RBFOX1: variants seen among roughly 807,000 people sequenced by gnomAD.
RBFOX1 encodes RNA binding fox-1 homolog 1, also known as RNA binding protein fox-1 homolog 1.
A neutral mutation model predicts 57.7 loss-of-function variants in RBFOX1; 8 were observed. The ratio of observed to expected loss-of-function variants is 0.14; its 90% CI spans 0.08 to 0.25. The LOEUF (loss-of-function observed/expected upper bound fraction) is 0.25. RBFOX1 is among the 10% of genes least tolerant of loss of function. The pLI is 1.00. For missense variants in RBFOX1, 611 were observed against 548.5 expected, an observed-to-expected ratio of 1.11 and a Z score of -1.14; for synonymous variants, 326 against 222.4, an observed-to-expected ratio of 1.47 and a Z score of -4.15.
intron 3 of RBFOX1, among the ~76,000 whole-genome samples, chr16:5,693,271 C>T (rs973157870): frequency 4.0e-5 from 6 of 151,586 alleles, no homozygotes; most frequent in Non-Finnish European, 8.8e-5. Flanking sequence ...GGTAATGAGG[C>T]TTGGAAACCA....
intron 1 of RBFOX1, among the ~76,000 whole-genome samples, chr16:6,197,538 G>C (rs1365240497): frequency 6.8e-6 from 1 of 146,266 alleles, no homozygotes; most frequent in Non-Finnish European, 1.5e-5. Flanking sequence ...ATAATTTCTT[G>C]AACTCAACCT....
rs1201391796 is a variant in RBFOX1, at chr16:7,439,945, CTTTCTTTT to C, written c.28-78198_28-78191del. On this transcript the variant is annotated intron_variant, in intron 4 of 15. Coordinates refer to ENST00000550418, the MANE Select transcript of RBFOX1 (RefSeq NM_018723.4). Reference sequence around the variant, plus strand: ...GAACCACAAAACAACCAAATCTTTTCTTTCTTTTTTTTTTTTTTTTTTTTGAGACAGGG... The same window carrying C: ...GAACCACAAAACAACCAAATCTTTTCTTTTTTTTTTTTTTTTGAGACAGGG... 9.7e-5 allele frequency among the ~76,000 whole-genome samples: 11 copies of C among 113,394 alleles called. No homozygotes were observed. In the East Asian group the frequency reaches 1.6e-3, roughly 17 times the overall value. 74.4% of individuals were successfully genotyped at this position (113,394 alleles called of 152,430 possible). A position where few individuals can be genotyped will look rare whatever the true frequency, so the allele number is the denominator to read the frequency against.
intron 1 of RBFOX1, among the ~76,000 whole-genome samples, chr16:6,088,249 C>G (rs1567426216): frequency 2.6e-5 from 4 of 151,510 alleles, no homozygotes; most frequent in Admixed American, 1.3e-4. Flanking sequence ...TCTGTTTTTC[C>G]TCAGGAATGT....
intron 1 of RBFOX1, among the ~76,000 whole-genome samples, chr16:6,277,965 G>T (rs908364639): frequency 1.3e-5 from 2 of 152,148 alleles, no homozygotes; most frequent in African/African-American, 4.8e-5. Context: ...TTAATTCCAA[G>T]TAATCATTGG....
rs918108421 is a variant in RBFOX1, at chr16:7,518,293, T to G, written c.174T>G (p.Val58=). The change falls in exon 5 of 16, where the codon GTT becomes GTG. Residue 58 remains valine (V), a synonymous_variant. Coordinates refer to ENST00000550418, the MANE Select transcript of RBFOX1 (RefSeq NM_018723.4). ...CAGAGTACACAGGCCAGACCACGGT[T>G]CCCGAGCACACATTAAACCTGTACC... ...PAPEYTGQTT[V]PEHTLNLYPP... is the part of the protein sequence containing the mutation. 6.2e-7 allele frequency: 1 copy of G among 1,614,108 alleles called. No homozygotes were observed. The highest frequency in any genetic ancestry group is 8.5e-7 in the Non-Finnish European group (1 of 1,180,010).
At chr16:5,364,754 A>G (rs751824029) in intron 1 of RBFOX1, among the ~76,000 whole-genome samples, 6 of 149,760 alleles carry the variant, frequency 4.0e-5, no homozygotes, top group Non-Finnish European at 7.4e-5. Context: ...TCTGTGGCAG[A>G]CACCTCACAC....
At chr16:7,506,140 G>T (rs952240966) in intron 4 of RBFOX1, among the ~76,000 whole-genome samples, 1 of 120,300 alleles carries the variant, frequency 8.3e-6, no homozygotes, top group African/African-American at 3.2e-5. Context: ...AGCAGAGATC[G>T]CCCCACTGCA....
At chr16:6,136,388 A>T (rs1304818895) in intron 1 of RBFOX1, among the ~76,000 whole-genome samples, 1 of 152,146 alleles carries the variant, frequency 6.6e-6, no homozygotes, top group Non-Finnish European at 1.5e-5. Context: ...CATATGTCTC[A>T]GGTGTTGCAG....
At chr16:5,909,139 C>G (rs1440570312) in intron 4 of RBFOX1, among the ~76,000 whole-genome samples, 1 of 127,564 alleles carries the variant, frequency 7.8e-6, no homozygotes, top group Non-Finnish European at 1.6e-5. Flanking sequence ...GTCACCTAGG[C>G]TGGAGTGCAG....
intron 1 of RBFOX1, among the ~76,000 whole-genome samples, chr16:6,063,498 C>T (rs2095715785): frequency 2.0e-5 from 2 of 98,966 alleles, no homozygotes; most frequent in South Asian, 6.6e-4. Flanking sequence ...CACACACACA[C>T]ACACACACCC....
At chr16:6,922,746 T>C (rs2074752319) in intron 3 of RBFOX1, among the ~76,000 whole-genome samples, 1 of 152,140 alleles carries the variant, frequency 6.6e-6, no homozygotes, top group African/African-American at 2.4e-5. Context: ...TTAAACATTT[T>C]CCAGTAATTT....
At chr16:7,495,362 GCT>G (rs2068279591) in intron 4 of RBFOX1, among the ~76,000 whole-genome samples, 2 of 152,276 alleles carry the variant, frequency 1.3e-5, no homozygotes, top group South Asian at 4.2e-4. Flanking sequence ...TTGAAGAGTA[GCT>G]CTGTTTTAAG....
intron 3 of RBFOX1, chr16:6,874,031 C>A (rs1000310901): frequency 6.6e-6 from 1 of 152,112 alleles, no homozygotes; most frequent in Non-Finnish European, 1.5e-5. Context: ...ACCTGTTGAT[C>A]CATTATCTAC....
At chr16:7,313,344 C>T (rs1404319738) in intron 4 of RBFOX1, among the ~76,000 whole-genome samples, 2 of 152,236 alleles carry the variant, frequency 1.3e-5, no homozygotes, top group African/African-American at 2.4e-5. Context: ...TGGAGAAATT[C>T]TCTTTTCTTC....
chr16:6,869,883 C>G (rs748362831), intron 3 of RBFOX1, among the ~76,000 whole-genome samples: 1 of 152,154 alleles, frequency 6.6e-6, no homozygotes, highest in Non-Finnish European at 1.5e-5. Flanking sequence ...ACGTATATGT[C>G]TCCCCGCAGT....
rs1412242173 is a variant in RBFOX1 at position 7,187,605 on chromosome 16, T to C, written c.27+135507T>C. On this transcript the variant is annotated intron_variant, in intron 4 of 15. Transcript: ENST00000550418. ...TCGGGAGGTTGAGGCAGGAGAATGG[T>C]GTGAACCCGGGAGGCAGAGCTTGCA... Among the ~76,000 whole-genome samples, 13 of 139,336 alleles carry C rather than the reference T, an allele frequency of 9.3e-5. No individual in the cohort carries two copies. The East Asian group carries it at 1.1e-3, about 12-fold the overall frequency. 91.4% of individuals were successfully genotyped at this position (139,336 alleles called of 152,430 possible). A position where few individuals can be genotyped will look rare whatever the true frequency, so the allele number is the denominator to read the frequency against.
intron 3 of RBFOX1, among the ~76,000 whole-genome samples, chr16:6,956,389 G>A (rs2081848447): frequency 6.6e-6 from 1 of 152,176 alleles, no homozygotes; most frequent in Non-Finnish European, 1.5e-5. Flanking sequence ...GGACTCAAGG[G>A]GAATGAGCAG....
At chr16:6,458,527 C>A (rs1050512719) in intron 2 of RBFOX1, among the ~76,000 whole-genome samples, 1 of 152,204 alleles carries the variant, frequency 6.6e-6, no homozygotes, top group Non-Finnish European at 1.5e-5. Context: ...ATCTTCATCA[C>A]AGTAAACAAC....
At chr16:6,158,719 A>G (rs1257635141) in intron 1 of RBFOX1, among the ~76,000 whole-genome samples, 1 of 152,196 alleles carries the variant, frequency 6.6e-6, no homozygotes, top group East Asian at 1.9e-4. Context: ...TGCTGTGTGT[A>G]TGACAGAAGT....
Sources: allele counts gnomAD v4.1 joint callset (sites outside exome capture counted in the v4.1 genomes callset), GRCh38; gene constraint gnomAD v4.1.1; transcripts MANE v1.5; gene names NCBI Gene and HGNC (gene_info 2026-07-23, HGNC 2026-07-21).